The following GABRA4 variants were observed in gnomAD, a reference collection of about 807,000 sequenced individuals.
GABRA4 encodes the protein gamma-aminobutyric acid type A receptor subunit alpha4.
GABRA4 carries 12 observed loss-of-function variants against 49.7 expected under a neutral mutation model. The observed-to-expected ratio is 0.24, with a 90% CI of 0.15 to 0.39. The LOEUF (loss-of-function observed/expected upper bound fraction) is 0.39, where lower values mean the gene tolerates loss of function less well. GABRA4 is among the 10% of genes least tolerant of loss of function. The pLI is 1.00. For missense variants in GABRA4, 506 were observed against 686.0 expected, an observed-to-expected ratio of 0.74 and a Z score of 2.93; for synonymous variants, 288 against 240.2, an observed-to-expected ratio of 1.20 and a Z score of -1.84.
intron 5 of GABRA4, among the ~76,000 whole-genome samples, chr4:46,974,579 C>CA (rs1403038380): frequency 6.6e-6 from 1 of 151,862 alleles, no homozygotes; most frequent in Non-Finnish European, 1.5e-5. Flanking sequence ...GTAAATACCC[C>CA]TGCAACTCAA....
chr4:46,993,531 T>TCGCGCTCACACTCGCC lies in GABRA4; in HGVS notation c.-123_-108dup. The TCGCGCTCACACTCGCC allele has an allele frequency of 8.4e-7, 1 of 1,188,448 alleles. No homozygotes were observed. Among genetic ancestry groups the TCGCGCTCACACTCGCC allele is most frequent in the East Asian group, 2.5e-5 (1 of 39,940 alleles). 73.6% of individuals were successfully genotyped at this position (1,188,448 alleles called of 1,614,324 possible). ...AGAGGCTCCCGCGGCGTGCGCACAC[T>TCGCGCTCACACTCGCC]CGCGCTCACACTCGCCCGCGCTCAG... On this transcript the variant is annotated 5_prime_UTR_variant, in exon 1 of 9. Coordinates refer to ENST00000264318, the MANE Select transcript of GABRA4 (RefSeq NM_000809.4).
intron 8 of GABRA4, among the ~76,000 whole-genome samples, chr4:46,936,998 G>A (rs1268619622): frequency 6.6e-6 from 1 of 152,146 alleles, no homozygotes; most frequent in Non-Finnish European, 1.5e-5. Flanking sequence ...ACTGGAATGT[G>A]TTTTCCCAAA....
At chr4:46,952,267 C>T (rs937548135) in intron 8 of GABRA4, among the ~76,000 whole-genome samples, 1 of 151,866 alleles carries the variant, frequency 6.6e-6, no homozygotes, top group Non-Finnish European at 1.5e-5. Context: ...GATTATTCAT[C>T]GTGGCAGCAA....
At position 46,928,098 on chromosome 4, in the gene GABRA4, A is replaced by G. The variant is rs1560459776; in HGVS notation, c.*127T>C. The G allele has an allele frequency of 1.2e-6, 1 of 815,016 alleles. No homozygotes were observed. The highest frequency in any genetic ancestry group is 3.2e-5 in the Admixed American group (1 of 31,692). 50.5% of individuals were successfully genotyped at this position (815,016 alleles called of 1,614,324 possible). On this transcript the variant is annotated 3_prime_UTR_variant, in exon 9 of 9. Transcript: ENST00000264318. ...AATTAACTCTCCCAATAACTGGCTT[A>G]TATCTTTAAATGGAAAAATTACACA...
At chr4:46,986,237 A>G (rs1723531256) in intron 2 of GABRA4, among the ~76,000 whole-genome samples, 1 of 151,898 alleles carries the variant, frequency 6.6e-6, no homozygotes, top group Non-Finnish European at 1.5e-5. Flanking sequence ...CTCTGCTTCC[A>G]TGTACAAATG....
Position 46,981,390 on chromosome 4 carries a change from A to T in GABRA4, c.206-2292T>A, listed in dbSNP as rs1480797153. Among the ~76,000 whole-genome samples the T allele has an allele frequency of 2.6e-5, 4 of 152,242 alleles. No individual in the cohort carries two copies. In the East Asian group the frequency reaches 5.8e-4, roughly 22 times the overall value. On this transcript the variant is annotated intron_variant, in intron 2 of 8. Transcript: ENST00000264318. ...TTTTCCAATTCTTGCATAACATGCT[A>T]CTTTCTCAATGATTCTTGAATAATG... is the stretch of plus-strand genomic sequence containing the variant.
intron 2 of GABRA4, among the ~76,000 whole-genome samples, chr4:46,980,834 CTG>C (rs1213455536): frequency 6.6e-6 from 1 of 152,064 alleles, no homozygotes; most frequent in African/African-American, 2.4e-5. Flanking sequence ...AAACAAATCA[CTG>C]TGTTAGTTTC....
At chr4:46,935,289 T>C (rs1227248317) in intron 8 of GABRA4, among the ~76,000 whole-genome samples, 1 of 152,184 alleles carries the variant, frequency 6.6e-6, no homozygotes, top group Non-Finnish European at 1.5e-5. Flanking sequence ...TTATTTAGCC[T>C]CTCAAAACCT....
In GABRA4 at chr4:46,977,583, T is replaced by C. The variant is rs767244176; in HGVS notation, c.321A>G (p.Arg107=). ...VFFRQTWIDK[R]LKYDGPIEIL... ...TTTCAATGGGGCCGTCATATTTTAA[T>C]CTTTTGTCAATCCATGTCTGCCTGA... Residue 107 remains arginine, a synonymous_variant, in exon 4 of 9, where the codon AGA becomes AGG. Transcript: ENST00000264318. 1.2e-6 allele frequency: 2 copies of C among 1,613,122 alleles called. No homozygotes were observed. Among genetic ancestry groups the C allele is most frequent in the Non-Finnish European group, 1.7e-6 (2 of 1,179,434 alleles).
At chr4:46,978,687 C>CAAAAAAAAAAAAAAA (rs71193889) in intron 3 of GABRA4, among the ~76,000 whole-genome samples, 27 of 21,620 alleles carry the variant, frequency 1.2e-3, no homozygotes, top group African/African-American at 1.5e-3. Flanking sequence ...AACTTCATCT[C>CAAAAAAAAAAAAAAA]AAAAAAAAAA....
intron 8 of GABRA4, among the ~76,000 whole-genome samples, chr4:46,948,753 G>A (rs1722066057): frequency 6.6e-6 from 1 of 152,032 alleles, no homozygotes; most frequent in Non-Finnish European, 1.5e-5. Flanking sequence ...GAAACGTTAA[G>A]GTATCTTTGA....
chr4:46,964,821 G>C, intron 8 of GABRA4, 149 bp downstream of exon 8: 1 of 799,700 alleles, frequency 1.3e-6, no homozygotes, highest in Non-Finnish European at 1.9e-6. Context: ...TAAAGTTTAA[G>C]CTCATACAGT....
At chr4:46,940,097 C>A (rs922639045) in intron 8 of GABRA4, among the ~76,000 whole-genome samples, 1 of 151,992 alleles carries the variant, frequency 6.6e-6, no homozygotes, top group Non-Finnish European at 1.5e-5. Flanking sequence ...TGCATCAACG[C>A]TACTCAAAAT....
chr4:46,938,381 A>G lies in GABRA4; in HGVS notation c.1135-9626T>C, dbSNP rs114483624. 2.0e-3 allele frequency among the ~76,000 whole-genome samples: 299 copies of G among 152,276 alleles called. 4 individuals carry two copies. Among genetic ancestry groups the G allele is most frequent in the African/African-American group, 6.8e-3 (284 of 41,588 alleles). The stretch of plus-strand genomic sequence containing the variant: ...CAATCCTATAGGAGGCTCGCATAGC[A>G]AGTAGTCTGAGTTACAATTTCATCT... On this transcript the variant is annotated intron_variant, in intron 8 of 8. Transcript: ENST00000264318.
At chr4:46,935,607 G>A in intron 8 of GABRA4, among the ~76,000 whole-genome samples, 1 of 152,010 alleles carries the variant, frequency 6.6e-6, no homozygotes, top group Non-Finnish European at 1.5e-5. Flanking sequence ...CTATGGAGTG[G>A]GAGTTGAACA....
Position 46,992,847 on chromosome 4 carries a change from C to A in GABRA4, c.186G>T (p.Arg62Ser). The A allele has an allele frequency of 6.2e-7, 1 of 1,613,768 alleles. No individual in the cohort carries two copies. Among genetic ancestry groups the A allele is most frequent in the Non-Finnish European group, 8.5e-7 (1 of 1,179,774 alleles). The stretch of plus-strand genomic sequence containing the variant: ...TCATACCCCCAAATCCAGGACGCAG[C>A]CTGTTGTCATAACCATCGAGCAAAC... ...LDSLLDGYDN[R>S]LRPGFGGPVT... The change falls in exon 2 of 9, where the codon AGG becomes AGT. Residue 62 changes from arginine (R) to serine (S), a missense_variant. Coordinates refer to ENST00000264318, the MANE Select transcript of GABRA4 (RefSeq NM_000809.4).
intron 8 of GABRA4, among the ~76,000 whole-genome samples, chr4:46,955,750 G>A (rs988250324): frequency 2.6e-5 from 4 of 152,018 alleles, no homozygotes; most frequent in African/African-American, 9.7e-5. Context: ...ACAGGTTTAA[G>A]GTGGCAGTAA....
Position 46,965,232 on chromosome 4 carries a change from T to C in GABRA4, c.875-3A>G, listed in dbSNP as rs1722713126. 6.9e-7 allele frequency: 1 copy of C among 1,441,180 alleles called. No individual in the cohort carries two copies. The highest frequency in any genetic ancestry group is 2.3e-5 in the Admixed American group (1 of 42,636). The allele number at this position is 1,441,180 out of a possible 1,614,324, so 89.3% of individuals were successfully genotyped here. A position where few individuals can be genotyped will look rare whatever the true frequency, so the allele number is the denominator to read the frequency against. On this transcript the variant is annotated splice_region_variant and splice_polypyrimidine_tract_variant and intron_variant, in intron 7 of 8. Transcript: ENST00000264318. Reference sequence around the variant, plus strand: ...CATGGTGAGGACAGTTGTTATTCCTTCAAAGCAAAAGAGCAGAGAGACAAA... The same window carrying C: ...CATGGTGAGGACAGTTGTTATTCCTCCAAAGCAAAAGAGCAGAGAGACAAA...
At chr4:46,982,996 C>T (rs1176359575) in intron 2 of GABRA4, among the ~76,000 whole-genome samples, 4 of 151,958 alleles carry the variant, frequency 2.6e-5, no homozygotes, top group Non-Finnish European at 5.9e-5. Context: ...GAATTATGTG[C>T]CAGGTAGGCT....
Sources: gnomAD v4.1 joint callset for allele counts (sites outside exome capture counted in the v4.1 genomes callset) on GRCh38, gnomAD v4.1.1 for gene constraint, MANE v1.5 for transcripts, NCBI Gene and HGNC (gene_info 2026-07-23, HGNC 2026-07-21) for gene names.